Variants in MME observed in about 807,000 individuals in gnomAD.
MME encodes membrane metalloendopeptidase.
A neutral mutation model predicts 113.2 loss-of-function variants in MME; 98 were observed. The ratio of observed to expected loss-of-function variants is 0.87; its 90% CI spans 0.74 to 1.02. The LOEUF (loss-of-function observed/expected upper bound fraction) is 1.02, where lower values mean the gene tolerates loss of function less well. Among genes scored for constraint, MME ranks in the 50% least tolerant of loss-of-function variants. The pLI, the probability that MME is intolerant of heterozygous loss-of-function variation, is 0.00. For synonymous variants in MME, 292 were observed against 300.6 expected, an observed-to-expected ratio of 0.97 and a Z score of 0.30; for missense variants, 836 against 896.0, an observed-to-expected ratio of 0.93 and a Z score of 0.86.
chr3:155,118,805 TA>T lies in MME; in HGVS notation c.717del (p.Glu240ArgfsTer10). 1 of 1,591,080 alleles carries T rather than the reference TA, an allele frequency of 6.3e-7. No individual in the cohort carries two copies. ...RDYYECTGIY[K>X]EACTAYVDFM... ...ATTACTATGAATGCACTGGAATCTA[TA>T]AAGAGGTAAAAAGAAAAAAAATAAT... On this transcript the variant is annotated frameshift_variant, in exon 8 of 23. Coordinates refer to ENST00000360490, the MANE Select transcript of MME (RefSeq NM_007289.4). LOFTEE classifies it high-confidence loss of function.
intron 10 of MME, 70 bp from the exon 11 acceptor site, chr3:155,141,921 T>A: frequency 1.3e-6 from 2 of 1,555,750 alleles, no homozygotes; most frequent in South Asian, 2.2e-5. Context: ...ACCCTCTAAC[T>A]ATAACTGAAT....
chr3:155,127,118 C>T (rs1719745231), intron 8 of MME, among the ~76,000 whole-genome samples: 1 of 152,032 alleles, frequency 6.6e-6, no homozygotes, highest in Admixed American at 6.5e-5. Context: ...CTCCTGTAGG[C>T]ACTTGATTTT....
chr3:155,081,905 A>C (rs1274067860), intron 1 of MME: 1 of 152,210 alleles, frequency 6.6e-6, no homozygotes, highest in East Asian at 1.9e-4. Context: ...AAGAATTTAC[A>C]GGGCATTTAC....
chr3:155,093,052 TAA>T (rs10706860), intron 3 of MME, among the ~76,000 whole-genome samples: 103 of 146,232 alleles, frequency 7.0e-4, no homozygotes, highest in Non-Finnish European at 1.0e-3. Flanking sequence ...CCAAAGCCGT[TAA>T]AAAAAAAAAA....
intron 1 of MME, among the ~76,000 whole-genome samples, chr3:155,064,097 C>T (rs1714303648): frequency 1.3e-5 from 2 of 152,008 alleles, no homozygotes; most frequent in Non-Finnish European, 2.9e-5. Flanking sequence ...TAGAGACCAG[C>T]CTGGCCAACA....
At chr3:155,122,134 G>A (rs201777132) in intron 8 of MME, among the ~76,000 whole-genome samples, 37,605 of 136,544 alleles carry the variant, frequency 0.28, 4,968 homozygotes, top group Non-Finnish European at 0.3. Flanking sequence ...CTTCTTCCTG[G>A]TTTAGTCTTG....
chr3:155,129,869 T>C (rs1255799948), intron 8 of MME, among the ~76,000 whole-genome samples: 2 of 152,186 alleles, frequency 1.3e-5, no homozygotes, highest in Non-Finnish European at 2.9e-5. Context: ...ATTCACAAAA[T>C]TTGTAAGTGA....
rs1180532459 is a variant in MME, at chr3:155,058,934, ATTC to A, written c.-10-25217_-10-25215del. On this transcript the variant is annotated intron_variant, in intron 1 of 22. Transcript: ENST00000492661. ...ATTTTAAATTCTCAAGGAATAAAAA[ATTC>A]TTCTTCCTCTTAACTATTTCCGGAT... Among the ~76,000 whole-genome samples, 3 of 152,250 alleles carry A rather than the reference ATTC, an allele frequency of 2.0e-5. No individual in the cohort carries two copies. In the East Asian group the frequency reaches 5.8e-4, roughly 29 times the overall value.
chr3:155,110,641 G>A (rs1718118286), intron 3 of MME, among the ~76,000 whole-genome samples: 1 of 152,154 alleles, frequency 6.6e-6, no homozygotes, highest in African/African-American at 2.4e-5. Flanking sequence ...ATTAATAGAA[G>A]ATTACTTCTC....
intron 11 of MME, 46 bp downstream of exon 11, chr3:155,142,173 T>C: frequency 6.2e-7 from 1 of 1,613,468 alleles, no homozygotes; most frequent in Non-Finnish European, 8.5e-7. Flanking sequence ...GCATTTCATA[T>C]CACTCTTCAG....
Position 155,101,126 on chromosome 3 carries a change from G to A in MME, c.197-13868G>A, listed in dbSNP as rs537236935. ...CCCGTTCTTGCCACGTGAGATGCCT[G>A]CTCCTCCTTCACGTTCTCTCATAAG... On this transcript the variant is annotated intron_variant, in intron 3 of 22. Transcript: ENST00000360490. Among the ~76,000 whole-genome samples, 3 of 152,186 alleles carry A rather than the reference G, an allele frequency of 2.0e-5. No individual in the cohort carries two copies. In the East Asian group the frequency reaches 5.8e-4, roughly 29 times the overall value.
intron 1 of MME, among the ~76,000 whole-genome samples, chr3:155,034,151 T>C (rs1002959711): frequency 6.6e-6 from 1 of 152,194 alleles, no homozygotes; most frequent in African/African-American, 2.4e-5. Context: ...AGACCTGATC[T>C]GTATACAAGA....
chr3:155,073,284 C>CAAGG (rs1307813655), intron 1 of MME, among the ~76,000 whole-genome samples: 1 of 149,658 alleles, frequency 6.7e-6, no homozygotes, highest in Non-Finnish European at 1.5e-5. Flanking sequence ...AACAAACAGA[C>CAAGG]ATTAAAATGA....
At chr3:155,110,445 A>G (rs1718100701) in intron 3 of MME, among the ~76,000 whole-genome samples, 2 of 152,206 alleles carry the variant, frequency 1.3e-5, no homozygotes, top group Admixed American at 6.5e-5. Flanking sequence ...ATACACACAC[A>G]ATAGACTTTT....
intron 16 of MME, among the ~76,000 whole-genome samples, chr3:155,159,907 C>T (rs762557438): frequency 6.6e-6 from 1 of 151,992 alleles, no homozygotes; most frequent in South Asian, 2.1e-4. Context: ...TACTCTAAGA[C>T]AACTACTTGA....
intron 1 of MME, among the ~76,000 whole-genome samples, chr3:155,039,638 T>C (rs1713241950): frequency 6.6e-6 from 1 of 152,206 alleles, no homozygotes; most frequent in South Asian, 2.1e-4. Context: ...GATAATTTTC[T>C]GATTTTGTTA....
intron 16 of MME, among the ~76,000 whole-genome samples, chr3:155,156,263 G>A (rs1345162952): frequency 2.0e-5 from 3 of 152,096 alleles, no homozygotes; most frequent in Admixed American, 6.6e-5. Context: ...TGGTGATAAT[G>A]ACTTCACTTT....
intron 14 of MME, among the ~76,000 whole-genome samples, chr3:155,144,822 C>T (rs1721384193): frequency 6.6e-6 from 1 of 152,056 alleles, no homozygotes; most frequent in African/African-American, 2.4e-5. Context: ...TACTGAGTTT[C>T]ATAAGAATAG....
At chr3:155,067,433 C>T (rs1350949167) in intron 1 of MME, among the ~76,000 whole-genome samples, 2 of 150,520 alleles carry the variant, frequency 1.3e-5, no homozygotes, top group African/African-American at 2.4e-5. Context: ...GCCTCAGCCT[C>T]CTGAGTATCT....
Sources: gnomAD v4.1 joint callset for allele counts (sites outside exome capture counted in the v4.1 genomes callset) on GRCh38, gnomAD v4.1.1 for gene constraint, MANE v1.5 for transcripts, NCBI Gene and HGNC (gene_info 2026-07-23, HGNC 2026-07-21) for gene names.